The following FASTKD1 variants were observed in gnomAD, a reference collection of about 807,000 sequenced individuals.
FASTKD1 encodes FAST kinase domains 1.
FASTKD1 carries 94 observed loss-of-function variants against 90.9 expected under a neutral mutation model. The observed-to-expected ratio is 1.03, with a 90% confidence interval of 0.88 to 1.23. The LOEUF is 1.23. Ranked by LOEUF, FASTKD1 falls within the 50% of genes most tolerant of loss-of-function variation. The pLI is 0.00. For missense variants in FASTKD1, 945 were observed against 993.5 expected (o/e 0.95, Z 0.66); for synonymous variants, 319 against 345.8 (o/e 0.92, Z 0.86).
intron 12 of FASTKD1, 190 bp downstream of exon 12, chr2:169,537,037 T>G: frequency 2.5e-6 from 1 of 397,658 alleles, no homozygotes. Context: ...ACGCTCTTGG[T>G]TATCAACACT....
At chr2:169,564,783 T>C (rs1019396667) in intron 3 of FASTKD1, among the ~76,000 whole-genome samples, 12 of 152,092 alleles carry the variant, frequency 7.9e-5, no homozygotes, top group Non-Finnish European at 1.3e-4. Flanking sequence ...TTCAATTGTT[T>C]TGATTTTTAG....
intron 12 of FASTKD1, among the ~76,000 whole-genome samples, chr2:169,535,153 C>A (rs1684674063): frequency 6.6e-6 from 1 of 151,214 alleles, no homozygotes; most frequent in Non-Finnish European, 1.5e-5. Context: ...ACTACCATGC[C>A]CAGCTTCAAT....
At chr2:169,559,523 T>C (rs903531591) in intron 5 of FASTKD1, among the ~76,000 whole-genome samples, 5 of 152,218 alleles carry the variant, frequency 3.3e-5, no homozygotes, top group African/African-American at 4.8e-5. Flanking sequence ...TCAACCTCCT[T>C]GGGCTCAGGT....
intron 12 of FASTKD1, 41 bp from the exon 13 acceptor site, chr2:169,531,531 G>T (rs748537314): frequency 6.7e-7 from 1 of 1,502,336 alleles, no homozygotes; most frequent in African/African-American, 1.4e-5. Flanking sequence ...ATTAGGTAAA[G>T]TCTTACAGAT....
intron 7 of FASTKD1, among the ~76,000 whole-genome samples, chr2:169,552,488 A>G (rs1393303469): frequency 6.6e-6 from 1 of 152,186 alleles, no homozygotes; most frequent in African/African-American, 2.4e-5. Context: ...CCATTGACTA[A>G]TAAGTGCATA....
intron 2 of FASTKD1, among the ~76,000 whole-genome samples, chr2:169,570,715 G>A (rs573996757): frequency 4.3e-5 from 6 of 138,792 alleles, no homozygotes; most frequent in East Asian, 2.1e-4. Context: ...TCACTCTGTC[G>A]CCCAGAATGG....
At chr2:169,542,758 A>G (rs1320159033) in intron 9 of FASTKD1, among the ~76,000 whole-genome samples, 2 of 152,226 alleles carry the variant, frequency 1.3e-5, no homozygotes, top group Non-Finnish European at 2.9e-5. Flanking sequence ...AATCAGCATA[A>G]GAGCAGCAAC....
chr2:169,540,067 C>T lies in FASTKD1; in HGVS notation c.1929G>A (p.Leu643=). 1 of 1,591,282 alleles carries T rather than the reference C, an allele frequency of 6.3e-7. No homozygotes were observed. Among genetic ancestry groups the T allele is most frequent in the Non-Finnish European group, 8.6e-7 (1 of 1,167,184 alleles). ...GATACATACTTTCAAGTTGAGAATC[C>T]AATCTAGCTAAGAATTTGATGTTAA... ...AIFNIKFLAR[L]DSQLEILSPS... Residue 643 remains leucine (L), a synonymous_variant, in exon 10 of 15, where the codon TTG becomes TTA. Coordinates refer to ENST00000453153, the MANE Select transcript of FASTKD1 (RefSeq NM_024622.6).
chr2:169,546,771 A>C, intron 7 of FASTKD1, 67 bp from the exon 8 acceptor site: 2 of 1,421,828 alleles, frequency 1.4e-6, no homozygotes, highest in Non-Finnish European at 1.9e-6. Context: ...TTAAAATATG[A>C]ATACATATGA....
chr2:169,571,978 G>A lies in FASTKD1; in HGVS notation c.52C>T (p.Leu18=), dbSNP rs761798259. The A allele has an allele frequency of 5.0e-6, 8 of 1,611,272 alleles. No individual in the cohort carries two copies. The highest frequency in any genetic ancestry group is 6.8e-6 in the Non-Finnish European group (8 of 1,178,768). Residue 18 remains leucine (L), a synonymous_variant, in exon 2 of 15, where the codon CTA becomes TTA. Transcript: ENST00000453153. ...LESLVTNMLR[L]RAICPFSWRV... is the part of the protein sequence containing the mutation. ...CAGGAGAATGGACAAATAGCTCTTA[G>A]ACGAAGCATATTTGTAACCAATGAC...
intron 3 of FASTKD1, among the ~76,000 whole-genome samples, chr2:169,567,859 A>G (rs768061739): frequency 5.3e-5 from 8 of 152,126 alleles, no homozygotes; most frequent in Admixed American, 2.0e-4. Flanking sequence ...TTATTCCACT[A>G]ACAATAGACT....
At position 169,532,720 on chromosome 2, in the gene FASTKD1, A is replaced by G. The variant is rs549277439; in HGVS notation, c.2189-1230T>C. ...AGTTAAAAAAAGAAGTAGGAAAGGA[A>G]AAGTTGAACCAAAAACTGCAAACCA... On this transcript the variant is annotated intron_variant, in intron 12 of 14. Coordinates refer to ENST00000453153, the MANE Select transcript of FASTKD1 (RefSeq NM_024622.6). 7.9e-5 allele frequency among the ~76,000 whole-genome samples: 12 copies of G among 152,298 alleles called. No homozygotes were observed. The South Asian group carries it at 2.5e-3, about 32-fold the overall frequency.
chr2:169,531,511 G>A (rs747486579), intron 12 of FASTKD1, 21 bp from the exon 13 acceptor site: 19 of 1,578,896 alleles, frequency 1.2e-5, no homozygotes, highest in Admixed American at 3.7e-5. Context: ...CATAGAAACT[G>A]GTAGTATGAA....
chr2:169,568,627 TTAAAAAA>T (rs1684096359), intron 3 of FASTKD1, among the ~76,000 whole-genome samples: 1 of 18,136 alleles, frequency 5.5e-5, no homozygotes, highest in Admixed American at 1.0e-3. Context: ...ACCCTGTCCA[TTAAAAAA>T]AAAAAAAAAA....
At position 169,572,009 on chromosome 2, in the gene FASTKD1, G is replaced by T. The variant is rs570528550; in HGVS notation, c.21C>A (p.Phe7Leu). ...GCATATTTGTAACCAATGACTCTAG[G>T]AAAACAGGTGTTTTTTTCATTTATA... is the stretch of plus-strand genomic sequence containing the variant. MKKTPVFLESLVTNMLR... is the reference protein window; with the variant it reads MKKTPVLLESLVTNMLR... The change falls in exon 2 of 15, where the codon TTC becomes TTA. Residue 7 changes from phenylalanine to leucine, a missense_variant. Transcript: ENST00000453153. 38 of 1,572,214 alleles carry T rather than the reference G, an allele frequency of 2.4e-5. No individual in the cohort carries two copies. In the Admixed American group the frequency reaches 6.1e-4, roughly 25 times the overall value.
chr2:169,533,523 A>G (rs1317060990), intron 12 of FASTKD1, among the ~76,000 whole-genome samples: 2 of 152,228 alleles, frequency 1.3e-5, no homozygotes, highest in East Asian at 1.9e-4. Context: ...AATAATTTAC[A>G]TACTTCATAG....
At chr2:169,538,207 C>A in intron 10 of FASTKD1, 66 bp from the exon 11 acceptor site, 1 of 1,389,648 alleles carries the variant, frequency 7.2e-7, no homozygotes, top group South Asian at 1.3e-5. Flanking sequence ...CCATTTTTTT[C>A]ACATTCATTT....
chr2:169,556,977 A>G (rs1683347339), intron 6 of FASTKD1, among the ~76,000 whole-genome samples: 1 of 151,734 alleles, frequency 6.6e-6, no homozygotes, highest in Admixed American at 6.6e-5. Flanking sequence ...ACTGCACTCC[A>G]GCCTGGGCAA....
intron 12 of FASTKD1, among the ~76,000 whole-genome samples, chr2:169,536,033 T>C (rs1684709955): frequency 6.6e-6 from 1 of 152,066 alleles, no homozygotes; most frequent in Non-Finnish European, 1.5e-5. Context: ...CCCAACACTT[T>C]GGGAGGCTAA....
Sources: allele counts gnomAD v4.1 joint callset (sites outside exome capture counted in the v4.1 genomes callset), GRCh38; gene constraint gnomAD v4.1.1; transcripts MANE v1.5; gene names NCBI Gene and HGNC (gene_info 2026-07-23, HGNC 2026-07-21).